Variants in VPS13C observed in about 807,000 individuals in gnomAD.
VPS13C encodes the protein intermembrane lipid transfer protein VPS13C.
In VPS13C, 358 loss-of-function variants were observed where a neutral mutation model predicts 456.8. The observed-to-expected ratio is 0.78, with a 90% CI of 0.72 to 0.86. The LOEUF (loss-of-function observed/expected upper bound fraction) is 0.86, where lower values mean the gene tolerates loss of function less well. Ranked by LOEUF, VPS13C falls within the 40% of genes least tolerant of loss-of-function variation. VPS13C has a pLI of 0.00. For synonymous variants in VPS13C, 1,578 were observed against 1,486.7 expected, an observed-to-expected ratio of 1.06 and a Z score of -1.41; for missense variants, 4,818 against 4,385.4, an observed-to-expected ratio of 1.10 and a Z score of -2.79.
intron 15 of VPS13C, among the ~76,000 whole-genome samples, chr15:62,005,233 A>C (rs1010519167): frequency 3.3e-5 from 5 of 152,116 alleles, no homozygotes; most frequent in Non-Finnish European, 7.4e-5. Flanking sequence ...TATTTAGGAG[A>C]GTTAGCTCTT....
At chr15:61,980,583 C>T (rs904715618) in intron 22 of VPS13C, among the ~76,000 whole-genome samples, 2 of 152,056 alleles carry the variant, frequency 1.3e-5, no homozygotes, top group East Asian at 3.8e-4. Flanking sequence ...TCATTAGGCG[C>T]CCAACTTACA....
chr15:61,893,385 A>G (rs1392646899), intron 66 of VPS13C, among the ~76,000 whole-genome samples: 1 of 152,188 alleles, frequency 6.6e-6, no homozygotes, highest in African/African-American at 2.4e-5. Flanking sequence ...GTATCCAACA[A>G]AGCTTTGTTT....
chr15:62,030,277 T>C (rs996525813), intron 5 of VPS13C, among the ~76,000 whole-genome samples: 1 of 152,148 alleles, frequency 6.6e-6, no homozygotes, highest in East Asian at 1.9e-4. Context: ...AATATAGTCA[T>C]AGTACATTGA....
chr15:61,976,959 A>T, intron 24 of VPS13C, 123 bp downstream of exon 24: 1 of 621,146 alleles, frequency 1.6e-6, no homozygotes, highest in Non-Finnish European at 2.8e-6. Context: ...TTCTGCTGCA[A>T]ATTGGAATAA....
intron 16 of VPS13C, among the ~76,000 whole-genome samples, chr15:61,993,432 T>G (rs1018358399): frequency 6.6e-6 from 1 of 152,066 alleles, no homozygotes; most frequent in Non-Finnish European, 1.5e-5. Context: ...TTTTAAAATA[T>G]CCTAAGAGAA....
intron 5 of VPS13C, among the ~76,000 whole-genome samples, chr15:62,031,907 C>T (rs890360145): frequency 1.8e-4 from 28 of 151,832 alleles, no homozygotes; most frequent in Admixed American, 6.6e-4. Flanking sequence ...CTGTCAATCA[C>T]GAAAACAAAT....
chr15:61,874,456 C>T (rs966397319), intron 77 of VPS13C, among the ~76,000 whole-genome samples: 17 of 151,910 alleles, frequency 1.1e-4, no homozygotes, highest in Non-Finnish European at 1.3e-4. Flanking sequence ...TAAATATATA[C>T]AATCATGTGT....
chr15:62,016,153 C>T (rs74575651), intron 9 of VPS13C, among the ~76,000 whole-genome samples: 3,782 of 151,512 alleles, frequency 0.025, 169 homozygotes, highest in African/African-American at 0.088. Flanking sequence ...TGCCAGTCTA[C>T]CACCCTACCA....
intron 66 of VPS13C, among the ~76,000 whole-genome samples, chr15:61,890,818 G>A (rs568629060): frequency 2.6e-5 from 4 of 152,224 alleles, no homozygotes; most frequent in Admixed American, 1.3e-4. Flanking sequence ...AGGCTGAAGC[G>A]GGCAAATCAT....
intron 1 of VPS13C, among the ~76,000 whole-genome samples, chr15:62,052,098 A>G (rs2048640024): frequency 6.6e-6 from 1 of 152,218 alleles, no homozygotes; most frequent in African/African-American, 2.4e-5. Flanking sequence ...CATAGAGGTT[A>G]ATCCAAAACT....
At chr15:61,983,224 A>T (rs1034069952) in intron 20 of VPS13C, among the ~76,000 whole-genome samples, 1 of 152,322 alleles carries the variant, frequency 6.6e-6, no homozygotes, top group African/African-American at 2.4e-5. Flanking sequence ...GTCGTAAAGT[A>T]AAATTACATC....
Position 61,917,317 on chromosome 15 carries a change from TCAAA to T in VPS13C, c.8055+20_8055+23del. 1 of 1,601,584 alleles carries T rather than the reference TCAAA, an allele frequency of 6.2e-7. No individual in the cohort carries two copies. Among genetic ancestry groups the T allele is most frequent in the South Asian group, 1.1e-5 (1 of 89,542 alleles). ...AATTTACTCTGTGCAACAACAAAAA[TCAAA>T]CAAAATGCAAGAGACATACCTCAAG... is the stretch of plus-strand genomic sequence containing the variant. On this transcript the variant is annotated intron_variant, in intron 60 of 84. Transcript: ENST00000644861.
rs199916039 is a variant in VPS13C, at chr15:61,903,328, CCT to C, written c.9105+3934_9105+3935del. 5.7e-3 allele frequency among the ~76,000 whole-genome samples: 862 copies of C among 151,304 alleles called. 7 individuals carry two copies. The highest frequency in any genetic ancestry group is 0.02 in the African/African-American group (824 of 41,240). On this transcript the variant is annotated intron_variant, in intron 66 of 84. Transcript: ENST00000644861. ...TCCAGCCCAGGTGACAGAGCGAGAC[CCT>C]GTCTCCAAAAAAAAAAATCAACTGC...
At chr15:61,991,623 T>A (rs1256737281) in intron 17 of VPS13C, 50 bp downstream of exon 17, 21 of 1,470,892 alleles carry the variant, frequency 1.4e-5, no homozygotes, top group Non-Finnish European at 1.9e-5. Flanking sequence ...ATTTACACAG[T>A]TTTTTTTTAA....
At position 61,881,701 on chromosome 15, in the gene VPS13C, C is replaced by T. The variant is rs767166857; in HGVS notation, c.9706+46G>A. 5.0e-6 allele frequency: 8 copies of T among 1,600,958 alleles called. No homozygotes were observed. In the Admixed American group the frequency reaches 1.2e-4, roughly 25 times the overall value. On this transcript the variant is annotated intron_variant, in intron 70 of 84. Coordinates refer to ENST00000644861, the MANE Select transcript of VPS13C (RefSeq NM_020821.3). ...CTAGGTTAAACTAATGCCTATTTAA[C>T]TTTTATAAATAAGGTATATCTATGT...
At chr15:62,010,023 TA>T (rs945939944) in intron 13 of VPS13C, among the ~76,000 whole-genome samples, 2 of 151,558 alleles carry the variant, frequency 1.3e-5, no homozygotes, top group Non-Finnish European at 2.9e-5. Context: ...CCATCTCTAC[TA>T]AAAAAATACA....
intron 66 of VPS13C, among the ~76,000 whole-genome samples, chr15:61,895,428 A>G (rs1312919963): frequency 6.6e-6 from 1 of 152,136 alleles, no homozygotes; most frequent in Non-Finnish European, 1.5e-5. Flanking sequence ...AGTTTTTTGA[A>G]AAGATAAAAT....
Position 61,884,103 on chromosome 15 carries a change from TCAAAA to T in VPS13C, c.9483+20_9483+24del, listed in dbSNP as rs533964248. ...CACCAAGAAAATACACATATAAAAA[TCAAAA>T]CAAAAGAATTTTGGTATACCTCAAA... On this transcript the variant is annotated intron_variant, in intron 68 of 84. Coordinates refer to ENST00000644861, the MANE Select transcript of VPS13C (RefSeq NM_020821.3). 87 of 1,567,880 alleles carry T rather than the reference TCAAAA, an allele frequency of 5.5e-5. No homozygotes were observed. In the African/African-American group the frequency reaches 9.6e-4, roughly 17 times the overall value.
intron 28 of VPS13C, 71 bp from the exon 29 acceptor site, chr15:61,967,518 T>C: frequency 1.6e-6 from 2 of 1,223,638 alleles, no homozygotes; most frequent in Non-Finnish European, 2.3e-6. Context: ...ACATTTTAGA[T>C]TTTTAAAAAT....
Sources: allele counts gnomAD v4.1 joint callset (sites outside exome capture counted in the v4.1 genomes callset), GRCh38; gene constraint gnomAD v4.1.1; transcripts MANE v1.5; gene names NCBI Gene and HGNC (gene_info 2026-07-23, HGNC 2026-07-21).